The following KCNIP4 variants were observed in gnomAD, a reference collection of about 807,000 sequenced individuals.
KCNIP4 encodes Kv channel-interacting protein 4.
In KCNIP4, 12 loss-of-function variants were observed where a neutral mutation model predicts 34.0. That is an observed-to-expected ratio of 0.35 (90% CI 0.23 to 0.57). The LOEUF is 0.57. Ranked by LOEUF, KCNIP4 falls within the 20% of genes least tolerant of loss-of-function variation. The pLI is 0.83. For missense variants in KCNIP4, 238 were observed against 311.7 expected (o/e 0.76, Z 1.78); for synonymous variants, 124 against 102.2 (o/e 1.21, Z -1.29).
chr4:21,008,698 G>A (rs957233754), intron 1 of KCNIP4, among the ~76,000 whole-genome samples: 7 of 151,238 alleles, frequency 4.6e-5, no homozygotes, highest in African/African-American at 1.7e-4. Flanking sequence ...TAATTTTTTT[G>A]CATTTTTAGT....
chr4:21,146,261 G>A (rs1455449572), intron 1 of KCNIP4, among the ~76,000 whole-genome samples: 2 of 152,094 alleles, frequency 1.3e-5, no homozygotes, highest in African/African-American at 2.4e-5. Context: ...AGCCAGGCGT[G>A]GTGGCGGGCG....
chr4:21,421,382 G>T (rs1725440759), intron 1 of KCNIP4, among the ~76,000 whole-genome samples: 1 of 152,124 alleles, frequency 6.6e-6, no homozygotes, highest in Non-Finnish European at 1.5e-5. Context: ...ATTATCCATG[G>T]ATGGATAAAT....
At chr4:21,610,228 G>A (rs1744041453) in intron 1 of KCNIP4, among the ~76,000 whole-genome samples, 1 of 152,240 alleles carries the variant, frequency 6.6e-6, no homozygotes, top group Non-Finnish European at 1.5e-5. Context: ...CACAGTTCTG[G>A]AGGCTAGACA....
intron 1 of KCNIP4, among the ~76,000 whole-genome samples, chr4:21,438,477 C>T (rs1727156798): frequency 6.6e-6 from 1 of 152,094 alleles, no homozygotes. Context: ...ATATATGATT[C>T]AAATATGTCT....
chr4:21,017,833 CCA>C (rs1739690103), intron 1 of KCNIP4, among the ~76,000 whole-genome samples: 2 of 152,116 alleles, frequency 1.3e-5, no homozygotes, highest in South Asian at 4.2e-4. Context: ...TCCTGTTTCT[CCA>C]CAGTCTCATC....
chr4:21,294,918 T>C (rs897291722), intron 1 of KCNIP4, among the ~76,000 whole-genome samples: 2 of 152,212 alleles, frequency 1.3e-5, no homozygotes, highest in African/African-American at 4.8e-5. Context: ...ACTCAAAGGA[T>C]AACAACATTG....
chr4:21,273,750 A>C (rs1395027745), intron 1 of KCNIP4, among the ~76,000 whole-genome samples: 1 of 152,160 alleles, frequency 6.6e-6, no homozygotes, highest in Non-Finnish European at 1.5e-5. Context: ...TACTATACCC[A>C]AATCCCATGA....
chr4:20,883,896 T>C (rs1724990705), intron 1 of KCNIP4, among the ~76,000 whole-genome samples: 1 of 152,106 alleles, frequency 6.6e-6, no homozygotes, highest in Admixed American at 6.5e-5. Flanking sequence ...TCTAAAAGCT[T>C]CATGTTGTTT....
At chr4:20,959,277 C>T (rs752873847) in intron 1 of KCNIP4, among the ~76,000 whole-genome samples, 10 of 152,142 alleles carry the variant, frequency 6.6e-5, no homozygotes, top group Admixed American at 3.3e-4. Flanking sequence ...TTTAGCAGCA[C>T]GTGTTTACTG....
chr4:21,254,332 T>C (rs774433889), intron 1 of KCNIP4, among the ~76,000 whole-genome samples: 10 of 152,112 alleles, frequency 6.6e-5, no homozygotes, highest in Non-Finnish European at 1.2e-4. Context: ...TTCTTAATGC[T>C]TTTCTTGGTG....
rs953686646 is a variant in KCNIP4 at position 21,372,941 on chromosome 4, TG to T, written c.62-490233del. ...GGTGGGTAAATATGAAACTTAGCTG[TG>T]CCTCATATGGTTGTGTTGATAGGAT... On this transcript the variant is annotated intron_variant, in intron 1 of 8. Coordinates refer to ENST00000382152, the MANE Select transcript of KCNIP4 (RefSeq NM_025221.6). 1.2e-4 allele frequency among the ~76,000 whole-genome samples: 18 copies of T among 146,110 alleles called. 3 individuals carry two copies. The highest frequency in any genetic ancestry group is 5.0e-4 in the African/African-American group (18 of 36,038).
Position 21,719,391 on chromosome 4 carries a change from C to T in KCNIP4, c.61+229180G>A, listed in dbSNP as rs539036065. On this transcript the variant is annotated intron_variant, in intron 1 of 8. Coordinates refer to ENST00000382152, the MANE Select transcript of KCNIP4 (RefSeq NM_025221.6). ...TTGCATAGAGAACCTATGGGGAGAA[C>T]AGCATTTTTATATGTTCTCCTGGTA... 1.9e-4 allele frequency among the ~76,000 whole-genome samples: 29 copies of T among 152,212 alleles called. No homozygotes were observed. The South Asian group carries it at 2.5e-3, about 13-fold the overall frequency.
intron 3 of KCNIP4, among the ~76,000 whole-genome samples, chr4:20,788,353 T>C (rs946383375): frequency 6.6e-6 from 1 of 152,152 alleles, no homozygotes; most frequent in Non-Finnish European, 1.5e-5. Flanking sequence ...CCAGGACATA[T>C]AACAGTTGCT....
chr4:21,924,243 C>CTTT (rs67541105), intron 1 of KCNIP4, among the ~76,000 whole-genome samples: 8 of 107,538 alleles, frequency 7.4e-5, no homozygotes, highest in East Asian at 2.4e-4. Context: ...GAATATATTT[C>CTTT]TTTTTTTTTT....
intron 1 of KCNIP4, among the ~76,000 whole-genome samples, chr4:21,603,960 T>A (rs1260949074): frequency 6.6e-6 from 1 of 152,106 alleles, no homozygotes; most frequent in African/African-American, 2.4e-5. Flanking sequence ...ATGAAGTAAC[T>A]GATAGACTTG....
At chr4:21,307,200 G>C (rs1712582051) in intron 1 of KCNIP4, among the ~76,000 whole-genome samples, 1 of 152,030 alleles carries the variant, frequency 6.6e-6, no homozygotes, top group Non-Finnish European at 1.5e-5. Flanking sequence ...CAAAATTACG[G>C]GTTCCTTTGC....
intron 1 of KCNIP4, among the ~76,000 whole-genome samples, chr4:20,924,177 A>C (rs1268197817): frequency 6.6e-6 from 1 of 152,186 alleles, no homozygotes; most frequent in Non-Finnish European, 1.5e-5. Flanking sequence ...AAGCTTTTGC[A>C]CTTGGAGCCA....
intron 1 of KCNIP4, among the ~76,000 whole-genome samples, chr4:21,086,188 T>C (rs1385537761): frequency 6.6e-6 from 1 of 152,276 alleles, no homozygotes; most frequent in East Asian, 1.9e-4. Flanking sequence ...CGATTCTATA[T>C]TGTCAAGTGA....
chr4:20,799,653 G>A (rs1021438993), intron 3 of KCNIP4, among the ~76,000 whole-genome samples: 7 of 152,168 alleles, frequency 4.6e-5, no homozygotes, highest in African/African-American at 1.7e-4. Context: ...CCATTCCTGA[G>A]TACTTGCTGT....
Sources: gnomAD v4.1 joint callset for allele counts (sites outside exome capture counted in the v4.1 genomes callset) on GRCh38, gnomAD v4.1.1 for gene constraint, MANE v1.5 for transcripts, NCBI Gene and HGNC (gene_info 2026-07-23, HGNC 2026-07-21) for gene names.